The following TENT2 variants were observed in gnomAD, a reference collection of about 807,000 sequenced individuals.
The protein encoded by TENT2 is terminal nucleotidyltransferase 2.
Under a neutral mutation model 72.2 loss-of-function variants are expected in TENT2, and 44 were observed. The ratio of observed to expected loss-of-function variants is 0.61; its 90% CI spans 0.48 to 0.78. TENT2 has a LOEUF of 0.78. TENT2 is among the 30% of genes least tolerant of loss of function. TENT2 has a pLI of 0.00. For synonymous variants in TENT2, 212 were observed against 192.5 expected (o/e 1.10, Z -0.84); for missense variants, 541 against 569.6 (o/e 0.95, Z 0.51).
rs200878934 is a variant in TENT2 at position 79,649,137 on chromosome 5, G to A, written c.974G>A (p.Arg325His). 640 of 1,613,488 alleles carry A rather than the reference G, an allele frequency of 4.0e-4. 1 individual carries two copies. Among genetic ancestry groups the A allele is most frequent in the Non-Finnish European group, 4.7e-4 (555 of 1,179,678 alleles). Reference sequence around the variant, plus strand: ...CACCATCAGATAAATGATGCCAGTCGTGGTACTTTAAGCAGCTATAGTCTT... The same window carrying A: ...CACCATCAGATAAATGATGCCAGTCATGGTACTTTAAGCAGCTATAGTCTT... ...ASHHQINDAS[R>H]GTLSSYSLVL... The change falls in exon 10 of 15, where the codon CGT (arginine) becomes CAT (histidine). Residue 325 changes from arginine (R) to histidine (H), a missense_variant. Physicochemically the swap from Arg to His is conservative, Grantham distance 29 (BLOSUM62 0). Transcript: ENST00000453514.
At chr5:79,660,792 G>A (rs974090603) in intron 11 of TENT2, among the ~76,000 whole-genome samples, 2 of 152,062 alleles carry the variant, frequency 1.3e-5, no homozygotes, top group Admixed American at 6.6e-5. Flanking sequence ...CTATAAAATG[G>A]CCTGATAGGT....
At chr5:79,651,504 A>G (rs1331898229) in intron 10 of TENT2, among the ~76,000 whole-genome samples, 1 of 152,060 alleles carries the variant, frequency 6.6e-6, no homozygotes, top group East Asian at 1.9e-4. Context: ...TGCATAAAAT[A>G]CCAAAAAAGC....
intron 3 of TENT2, among the ~76,000 whole-genome samples, chr5:79,622,425 C>T (rs1267106485): frequency 2.6e-5 from 4 of 152,048 alleles, no homozygotes; most frequent in Non-Finnish European, 4.4e-5. Context: ...GTCTTTTTTC[C>T]CAACAAATAC....
Position 79,685,974 on chromosome 5 carries a change from T to G in TENT2, c.*701T>G, listed in dbSNP as rs1825906900. 1 of 152,650 alleles carries G rather than the reference T, an allele frequency of 6.6e-6. No homozygotes were observed. The highest frequency in any genetic ancestry group is 6.5e-5 in the Admixed American group (1 of 15,278). 9.5% of individuals were successfully genotyped at this position (152,650 alleles called of 1,614,324 possible). ...GAGCACTAACTCTTACAACAGTTAG[T>G]GAATCGTTTTAAAGAATCAGTTCAG... is the stretch of plus-strand genomic sequence containing the variant. On this transcript the variant is annotated 3_prime_UTR_variant, in exon 15 of 15. Transcript: ENST00000453514.
At chr5:79,683,313 TCACACA>T (rs111701863) in intron 14 of TENT2, among the ~76,000 whole-genome samples, 7,360 of 145,698 alleles carry the variant, frequency 0.051, 282 homozygotes, top group East Asian at 0.18. Context: ...ACGCACATGC[TCACACA>T]CACACACACA....
chr5:79,664,161 C>T (rs770390220), intron 11 of TENT2, among the ~76,000 whole-genome samples: 6 of 152,124 alleles, frequency 3.9e-5, no homozygotes, highest in Non-Finnish European at 5.9e-5. Context: ...TTAGCATCCC[C>T]TGGAGCCCTG....
At chr5:79,657,808 AT>A (rs1422049733) in intron 11 of TENT2, among the ~76,000 whole-genome samples, 3 of 152,118 alleles carry the variant, frequency 2.0e-5, no homozygotes, top group East Asian at 3.9e-4. Context: ...AAACCACGTA[AT>A]TTTTACATAT....
At chr5:79,620,134 T>C in intron 3 of TENT2, 51 bp downstream of exon 3, 2 of 1,234,910 alleles carry the variant, frequency 1.6e-6, no homozygotes, top group Non-Finnish European at 2.3e-6. Context: ...TTCTGAGAAC[T>C]CTGTAATGAT....
intron 4 of TENT2, among the ~76,000 whole-genome samples, chr5:79,639,596 T>A (rs1782837872): frequency 6.6e-6 from 1 of 152,028 alleles, no homozygotes; most frequent in Non-Finnish European, 1.5e-5. Flanking sequence ...CACTGTGTAG[T>A]ATAGACTGCA....
chr5:79,640,533 C>A (rs747267256), intron 4 of TENT2, among the ~76,000 whole-genome samples: 5 of 152,036 alleles, frequency 3.3e-5, no homozygotes, highest in Non-Finnish European at 7.4e-5. Flanking sequence ...TAAAAAAATT[C>A]TTTTCTCAGG....
At chr5:79,669,058 A>C (rs765465528) in intron 12 of TENT2, 30 bp downstream of exon 12, 1 of 1,605,806 alleles carries the variant, frequency 6.2e-7, no homozygotes, top group Non-Finnish European at 8.5e-7. Flanking sequence ...GTGTTTGTTC[A>C]CTTATATGTG....
intron 6 of TENT2, among the ~76,000 whole-genome samples, chr5:79,641,785 G>A (rs575157834): frequency 6.6e-6 from 1 of 151,104 alleles, no homozygotes; most frequent in Admixed American, 6.6e-5. Flanking sequence ...AAAATGCTTG[G>A]GACTAGAGTT....
chr5:79,630,341 G>A (rs1580274932), intron 4 of TENT2, among the ~76,000 whole-genome samples: 1 of 151,490 alleles, frequency 6.6e-6, no homozygotes, highest in South Asian at 2.1e-4. Context: ...GCCTGTAATC[G>A]CAACACTTTG....
intron 8 of TENT2, 27 bp downstream of exon 8, chr5:79,645,219 T>C: frequency 6.5e-7 from 1 of 1,545,886 alleles, no homozygotes; most frequent in Non-Finnish European, 8.9e-7. Flanking sequence ...CTTTCTTTTT[T>C]TAGTTCCTTT....
At chr5:79,659,687 G>C (rs573772770) in intron 11 of TENT2, among the ~76,000 whole-genome samples, 1 of 147,448 alleles carries the variant, frequency 6.8e-6, no homozygotes, top group Non-Finnish European at 1.5e-5. Context: ...AAACTTGCAA[G>C]GTATTATTCC....
Position 79,632,370 on chromosome 5 carries a change from A to G in TENT2, c.466-8481A>G, listed in dbSNP as rs115281982. Among the ~76,000 whole-genome samples, 437 of 152,226 alleles carry G rather than the reference A, an allele frequency of 2.9e-3. 6 individuals are homozygous for G. Among genetic ancestry groups the G allele is most frequent in the African/African-American group, 9.8e-3 (409 of 41,538 alleles). ...TAAGTTACTGTGTTAACAACTCTTT[A>G]AAGTAGAAATCTGAGTTATTCCTGA... On this transcript the variant is annotated intron_variant, in intron 4 of 14. Coordinates refer to ENST00000453514, the MANE Select transcript of TENT2 (RefSeq NM_001114394.3).
chr5:79,656,887 A>G (rs1394725274), intron 10 of TENT2, 71 bp from the exon 11 acceptor site: 3 of 1,121,394 alleles, frequency 2.7e-6, no homozygotes, highest in Non-Finnish European at 4.0e-6. Flanking sequence ...CCTGGGATGT[A>G]GCTGACAAAT....
intron 12 of TENT2, 125 bp downstream of exon 12, chr5:79,669,153 C>G (rs1471284998): frequency 4.2e-6 from 5 of 1,198,236 alleles, no homozygotes; most frequent in Non-Finnish European, 4.5e-6. Context: ...TTTGTCACTT[C>G]CAGTGTTGTA....
In TENT2 at chr5:79,612,906, T is replaced by G. The variant is rs1756304928; in HGVS notation, c.-207T>G. On this transcript the variant is annotated 5_prime_UTR_variant, in exon 1 of 15. In the 5' UTR this introduces an upstream ATG that the reference lacks. Transcript: ENST00000453514. ...GCAGTATCTCTTGGTTATTCCAAAT[T>G]TATGGGCGGCATCTGGGCTGCTGTA... 1 of 152,182 alleles carries G rather than the reference T, an allele frequency of 6.6e-6. No homozygotes were observed. Among genetic ancestry groups the G allele is most frequent in the Admixed American group, 6.5e-5 (1 of 15,282 alleles). 9.4% of individuals were successfully genotyped at this position (152,182 alleles called of 1,614,324 possible).
Sources: allele counts gnomAD v4.1 joint callset (sites outside exome capture counted in the v4.1 genomes callset), GRCh38; gene constraint gnomAD v4.1.1; transcripts MANE v1.5; gene names NCBI Gene and HGNC (gene_info 2026-07-23, HGNC 2026-07-21).